The following ARHGAP15 variants were observed in gnomAD, a reference collection of about 807,000 sequenced individuals.
ARHGAP15 encodes rho GTPase-activating protein 15.
Under a neutral mutation model 63.7 loss-of-function variants are expected in ARHGAP15, and 51 were observed. The ratio of observed to expected loss-of-function variants is 0.80; its 90% CI spans 0.64 to 1.01. The LOEUF (loss-of-function observed/expected upper bound fraction) is 1.01, where lower values mean the gene tolerates loss of function less well. Among genes scored for constraint, ARHGAP15 ranks in the 50% least tolerant of loss-of-function variants. ARHGAP15 has a pLI of 0.00. For missense variants in ARHGAP15, 560 were observed against 564.6 expected (o/e 0.99, Z 0.08); for synonymous variants, 191 against 193.8 (o/e 0.99, Z 0.12).
At chr2:143,343,795 C>A (rs1386565707) in intron 6 of ARHGAP15, among the ~76,000 whole-genome samples, 1 of 152,072 alleles carries the variant, frequency 6.6e-6, no homozygotes, top group Non-Finnish European at 1.5e-5. Flanking sequence ...CTTACTATTT[C>A]TGCAACTATT....
chr2:143,352,321 T>C (rs1685608599), intron 6 of ARHGAP15, among the ~76,000 whole-genome samples: 1 of 152,218 alleles, frequency 6.6e-6, no homozygotes, highest in Non-Finnish European at 1.5e-5. Flanking sequence ...CAGAAAATTA[T>C]GTTAAGATTC....
intron 8 of ARHGAP15, among the ~76,000 whole-genome samples, chr2:143,477,902 A>G (rs1691899109): frequency 6.6e-6 from 1 of 152,238 alleles, no homozygotes; most frequent in South Asian, 2.1e-4. Context: ...GGGATTTCCC[A>G]GTTTGGCTGA....
chr2:143,546,780 CAG>C (rs751385644), intron 10 of ARHGAP15, among the ~76,000 whole-genome samples: 4 of 152,134 alleles, frequency 2.6e-5, no homozygotes, highest in Non-Finnish European at 5.9e-5. Context: ...AAAAGAAACT[CAG>C]AGAATAATAT....
intron 13 of ARHGAP15, among the ~76,000 whole-genome samples, chr2:143,713,804 G>T (rs1296863215): frequency 2.0e-5 from 3 of 152,206 alleles, no homozygotes; most frequent in Non-Finnish European, 2.9e-5. Context: ...TTGACTCCAG[G>T]TCTCACATTC....
chr2:143,624,524 C>A (rs1216717960), intron 12 of ARHGAP15, among the ~76,000 whole-genome samples: 2 of 152,002 alleles, frequency 1.3e-5, no homozygotes, highest in Non-Finnish European at 2.9e-5. Context: ...AACTAAGTAT[C>A]CTCAAATGAA....
chr2:143,208,124 A>G (rs911774541), intron 3 of ARHGAP15, among the ~76,000 whole-genome samples: 2 of 152,144 alleles, frequency 1.3e-5, no homozygotes, highest in African/African-American at 4.8e-5. Context: ...TTTCCTTTGG[A>G]GTTATTATCC....
Position 143,682,873 on chromosome 2 carries a change from G to A in ARHGAP15, c.1139-20546G>A, listed in dbSNP as rs528884006. 70 of 152,148 alleles carry A rather than the reference G, an allele frequency of 4.6e-4. 1 individual carries two copies. Among genetic ancestry groups the A allele is most frequent in the African/African-American group, 1.6e-3 (68 of 41,510 alleles). The allele number at this position is 152,148 out of a possible 1,614,324, so 9.4% of individuals were successfully genotyped here. On this transcript the variant is annotated intron_variant, in intron 12 of 13. Coordinates refer to ENST00000295095, the MANE Select transcript of ARHGAP15 (RefSeq NM_018460.4). ...CGCAGGAGTTCTCTGTTATTCTTAC[G>A]AATCCACAATCTGCCAGTCTGGTGT...
At chr2:143,747,627 T>C (rs1392920054) in intron 13 of ARHGAP15, among the ~76,000 whole-genome samples, 1 of 152,216 alleles carries the variant, frequency 6.6e-6, no homozygotes, top group Non-Finnish European at 1.5e-5. Context: ...CTTGGAATCA[T>C]ATAGTATACA....
intron 1 of ARHGAP15, among the ~76,000 whole-genome samples, chr2:143,132,440 C>T (rs568890355): frequency 3.9e-5 from 6 of 152,218 alleles, no homozygotes; most frequent in African/African-American, 1.2e-4. Flanking sequence ...GAAGCTCTCA[C>T]GAAATTGTCA....
intron 13 of ARHGAP15, among the ~76,000 whole-genome samples, chr2:143,746,301 A>T (rs1686162771): frequency 6.6e-6 from 1 of 151,952 alleles, no homozygotes; most frequent in African/African-American, 2.4e-5. Flanking sequence ...TTCAAAAAAA[A>T]ACCCTCTAAA....
intron 12 of ARHGAP15, among the ~76,000 whole-genome samples, chr2:143,660,229 T>C (rs1681686246): frequency 6.6e-6 from 1 of 152,224 alleles, no homozygotes; most frequent in Non-Finnish European, 1.5e-5. Flanking sequence ...ATTGTATCAA[T>C]ACATTCCTCC....
chr2:143,136,780 T>G (rs1689159219), intron 1 of ARHGAP15, among the ~76,000 whole-genome samples: 1 of 152,120 alleles, frequency 6.6e-6, no homozygotes, highest in African/African-American at 2.4e-5. Context: ...ACTTGAATCC[T>G]TTTTTGAGGT....
intron 6 of ARHGAP15, among the ~76,000 whole-genome samples, chr2:143,285,681 A>G (rs1682058771): frequency 6.6e-6 from 1 of 152,182 alleles, no homozygotes; most frequent in African/African-American, 2.4e-5. Context: ...ATTTCATGTT[A>G]ATATAGTATC....
At chr2:143,302,898 C>T (rs185361602) in intron 6 of ARHGAP15, among the ~76,000 whole-genome samples, 1 of 151,806 alleles carries the variant, frequency 6.6e-6, no homozygotes, top group East Asian at 2.0e-4. Flanking sequence ...AATAATTCTG[C>T]TCCTCTGTAA....
chr2:143,470,996 G>A (rs1220600613), intron 8 of ARHGAP15, among the ~76,000 whole-genome samples: 1 of 102,926 alleles, frequency 9.7e-6, no homozygotes, highest in Admixed American at 9.9e-5. Flanking sequence ...TCATATACAT[G>A]TGTGTATAGA....
chr2:143,531,289 A>G (rs568639367), intron 10 of ARHGAP15, among the ~76,000 whole-genome samples: 1 of 152,304 alleles, frequency 6.6e-6, no homozygotes, highest in South Asian at 2.1e-4. Context: ...AATACAATAA[A>G]AGGTAAGCTA....
chr2:143,610,666 T>C (rs951864572), intron 11 of ARHGAP15, among the ~76,000 whole-genome samples: 2 of 152,154 alleles, frequency 1.3e-5, no homozygotes, highest in Non-Finnish European at 2.9e-5. Context: ...TCAAAGAGCT[T>C]GGGTTAGCAG....
intron 11 of ARHGAP15, among the ~76,000 whole-genome samples, chr2:143,592,450 T>C (rs189852322): frequency 6.6e-6 from 1 of 152,350 alleles, no homozygotes; most frequent in East Asian, 1.9e-4. Context: ...CAGAAACCTA[T>C]AGTTAGGAGA....
chr2:143,484,937 T>C (rs75598187), intron 8 of ARHGAP15, among the ~76,000 whole-genome samples: 9,609 of 152,172 alleles, frequency 0.063, 508 homozygotes, highest in East Asian at 0.23. Context: ...AACACACTGG[T>C]GGAAACTGCT....
Sources: allele counts gnomAD v4.1 joint callset (sites outside exome capture counted in the v4.1 genomes callset), GRCh38; gene constraint gnomAD v4.1.1; transcripts MANE v1.5; gene names NCBI Gene and HGNC (gene_info 2026-07-23, HGNC 2026-07-21).